Variants in UNC5D observed in about 807,000 individuals in gnomAD.
UNC5D encodes the protein netrin receptor UNC5D.
UNC5D carries 39 observed loss-of-function variants against 105.4 expected under a neutral mutation model. The observed-to-expected ratio is 0.37, with a 90% CI of 0.29 to 0.48. The LOEUF is 0.48. UNC5D is among the 20% of genes least tolerant of loss of function. The probability of loss-of-function intolerance (pLI) is 0.98; values close to 1 mark genes in which losing one functional copy is unlikely to be tolerated. For missense variants in UNC5D, 991 were observed against 1,202.4 expected, an observed-to-expected ratio of 0.82 and a Z score of 2.60; for synonymous variants, 452 against 450.4, an observed-to-expected ratio of 1.00 and a Z score of -0.04.
chr8:35,328,042 G>A (rs918907401), intron 1 of UNC5D, among the ~76,000 whole-genome samples: 3 of 152,128 alleles, frequency 2.0e-5, no homozygotes, highest in South Asian at 2.1e-4. Flanking sequence ...ATGCTAGGAT[G>A]TGTTTTTTGT....
chr8:35,490,394 T>C (rs979832163), intron 1 of UNC5D, among the ~76,000 whole-genome samples: 1 of 152,128 alleles, frequency 6.6e-6, no homozygotes, highest in Admixed American at 6.5e-5. Flanking sequence ...ATTAGCCAGA[T>C]GTACTGGTGC....
At chr8:35,741,644 A>G (rs532301390) in intron 11 of UNC5D, among the ~76,000 whole-genome samples, 2 of 152,292 alleles carry the variant, frequency 1.3e-5, no homozygotes, top group South Asian at 2.1e-4. Context: ...TGGATTTTCC[A>G]TCATAGTAGC....
chr8:35,559,761 T>C (rs1227882249), intron 2 of UNC5D, among the ~76,000 whole-genome samples: 2 of 152,234 alleles, frequency 1.3e-5, no homozygotes. Context: ...CTTACATTTC[T>C]CTTCCTTGCA....
At chr8:35,696,339 T>C (rs563557716) in intron 7 of UNC5D, among the ~76,000 whole-genome samples, 207 of 150,630 alleles carry the variant, frequency 1.4e-3, no homozygotes, top group African/African-American at 4.7e-3. Context: ...AGGTCCCTTC[T>C]AGTCAGGATG....
At chr8:35,431,424 C>A (rs564633144) in intron 1 of UNC5D, among the ~76,000 whole-genome samples, 31 of 152,192 alleles carry the variant, frequency 2.0e-4, no homozygotes, top group African/African-American at 7.5e-4. Flanking sequence ...AGGAATATAA[C>A]AGATTATAAC....
chr8:35,320,304 A>C (rs181979644), intron 1 of UNC5D, among the ~76,000 whole-genome samples: 3 of 152,230 alleles, frequency 2.0e-5, no homozygotes, highest in African/African-American at 7.2e-5. Flanking sequence ...ACTCGGAATC[A>C]GTAGAAGGGA....
chr8:35,288,963 C>A (rs551267884), intron 1 of UNC5D, among the ~76,000 whole-genome samples: 3 of 152,216 alleles, frequency 2.0e-5, no homozygotes, highest in African/African-American at 7.2e-5. Context: ...AAAAAACAAT[C>A]AGGAAACAAA....
At chr8:35,327,916 C>T (rs954859124) in intron 1 of UNC5D, among the ~76,000 whole-genome samples, 3 of 152,164 alleles carry the variant, frequency 2.0e-5, no homozygotes, top group Non-Finnish European at 2.9e-5. Flanking sequence ...ACAGAAGATT[C>T]GGATAAGAGC....
chr8:35,665,600 A>G (rs1824370741), intron 4 of UNC5D, among the ~76,000 whole-genome samples: 1 of 147,374 alleles, frequency 6.8e-6, no homozygotes, highest in Non-Finnish European at 1.5e-5. Flanking sequence ...TTTATTTTCA[A>G]CCTCCCAAAA....
chr8:35,337,772 C>G (rs1464407709), intron 1 of UNC5D, among the ~76,000 whole-genome samples: 1 of 149,758 alleles, frequency 6.7e-6, no homozygotes, highest in African/African-American at 2.5e-5. Flanking sequence ...AAAAAAAAAA[C>G]AGATAGCCAA....
chr8:35,636,631 G>T (rs1822388131), intron 4 of UNC5D, among the ~76,000 whole-genome samples: 1 of 152,126 alleles, frequency 6.6e-6, no homozygotes, highest in Non-Finnish European at 1.5e-5. Context: ...GATCCCTCCT[G>T]GCCCTGTCTT....
intron 1 of UNC5D, among the ~76,000 whole-genome samples, chr8:35,449,630 T>G (rs777109894): frequency 6.6e-6 from 1 of 152,176 alleles, no homozygotes; most frequent in Non-Finnish European, 1.5e-5. Flanking sequence ...ATTTCACTTA[T>G]GTAACTTAAC....
intron 1 of UNC5D, among the ~76,000 whole-genome samples, chr8:35,442,057 C>T (rs1807442290): frequency 1.3e-5 from 2 of 151,874 alleles, no homozygotes; most frequent in South Asian, 4.1e-4. Context: ...CTGATGTTTC[C>T]TTGCAAAACG....
intron 1 of UNC5D, among the ~76,000 whole-genome samples, chr8:35,387,045 T>C (rs924906040): frequency 5.3e-5 from 8 of 151,882 alleles, no homozygotes; most frequent in African/African-American, 1.7e-4. Context: ...AGCATCAGCA[T>C]CACCTAGGTG....
chr8:35,296,181 A>G (rs1039498873), intron 1 of UNC5D, among the ~76,000 whole-genome samples: 4 of 152,230 alleles, frequency 2.6e-5, no homozygotes, highest in African/African-American at 9.6e-5. Flanking sequence ...TAAACAGAAC[A>G]GGAATTGCTG....
At chr8:35,377,183 C>G (rs1802751958) in intron 1 of UNC5D, among the ~76,000 whole-genome samples, 1 of 152,124 alleles carries the variant, frequency 6.6e-6, no homozygotes, top group African/African-American at 2.4e-5. Flanking sequence ...TGATGGCAGA[C>G]CTCCATTACA....
At chr8:35,504,098 G>A (rs1450814079) in intron 1 of UNC5D, among the ~76,000 whole-genome samples, 2 of 152,198 alleles carry the variant, frequency 1.3e-5, no homozygotes. Flanking sequence ...CTATGCAGGA[G>A]AAAGTATGAG....
At chr8:35,723,238 A>T (rs1433435049) in intron 9 of UNC5D, among the ~76,000 whole-genome samples, 1 of 152,168 alleles carries the variant, frequency 6.6e-6, no homozygotes, top group Admixed American at 6.5e-5. Context: ...TTGAGTAGAC[A>T]GGCTTCCGAA....
At chr8:35,534,855 C>T (rs776908512) in intron 1 of UNC5D, among the ~76,000 whole-genome samples, 1 of 151,854 alleles carries the variant, frequency 6.6e-6, no homozygotes, top group Admixed American at 6.6e-5. Flanking sequence ...ATATCAACAT[C>T]CATTTTTTTC....
Sources: allele counts gnomAD v4.1 joint callset (sites outside exome capture counted in the v4.1 genomes callset), GRCh38; gene constraint gnomAD v4.1.1; transcripts MANE v1.5; gene names NCBI Gene and HGNC (gene_info 2026-07-23, HGNC 2026-07-21).